The following SLC9D1 variants were observed in gnomAD, a reference collection of about 807,000 sequenced individuals.
The protein encoded by SLC9D1 is solute carrier family 9 member D1.
the SLC9D1 span, chr13:113,510,220 C>T: frequency 6.2e-5 from 100 of 1,609,190 alleles, no homozygotes; most frequent in Non-Finnish European, 8.1e-5. Flanking sequence ...GTGTGTGACT[C>T]ACTGTGTTCT....
chr13:113,495,723 C>G, the SLC9D1 span: 2 of 1,613,410 alleles, frequency 1.2e-6, no homozygotes, highest in African/African-American at 1.3e-5. Context: ...GCAGAGCCGG[C>G]AGTGGGTCCG....
At chr13:113,532,432 G>A in the SLC9D1 span, among the ~76,000 whole-genome samples, 1 of 151,710 alleles carries the variant, frequency 6.6e-6, no homozygotes, top group Non-Finnish European at 1.5e-5. Flanking sequence ...GGTGGGCTGG[G>A]GCAGTGGAAG....
chr13:113,512,211 C>A, the SLC9D1 span, among the ~76,000 whole-genome samples: 4 of 137,108 alleles, frequency 2.9e-5, no homozygotes, highest in African/African-American at 5.6e-5. Flanking sequence ...TGGAGAGGGT[C>A]AGTATATATA....
chr13:113,534,063 C>T, the SLC9D1 span: 1 of 1,606,492 alleles, frequency 6.2e-7, no homozygotes, highest in Non-Finnish European at 8.5e-7. Context: ...TGGAAGTTCT[C>T]CGAATCCTGG....
At chr13:113,503,345 TTGTGTGTGTGTG>T in the SLC9D1 span, 1,244 of 476,060 alleles carry the variant, frequency 2.6e-3, 10 homozygotes, top group East Asian at 6.3e-3. Context: ...CACTGTGTGA[TTGTGTGTGTGTG>T]TGTGTGTGTG....
At chr13:113,525,518 G>T in the SLC9D1 span, among the ~76,000 whole-genome samples, 6 of 152,370 alleles carry the variant, frequency 3.9e-5, no homozygotes, top group East Asian at 1.2e-3. Context: ...ACAGCCTCAG[G>T]CAGGTTCTTC....
chr13:113,538,536 G>A, the SLC9D1 span, among the ~76,000 whole-genome samples: 5 of 152,356 alleles, frequency 3.3e-5, no homozygotes, highest in African/African-American at 1.2e-4. Flanking sequence ...AGCATCCGCC[G>A]CTCCGCCGTG....
chr13:113,526,717 T>G, the SLC9D1 span, among the ~76,000 whole-genome samples: 15 of 152,240 alleles, frequency 9.9e-5, no homozygotes, highest in Admixed American at 7.2e-4. Flanking sequence ...AGACACTGTC[T>G]CAGTTTAGTG....
At chr13:113,495,693 G>A in the SLC9D1 span, 14 of 1,612,508 alleles carry the variant, frequency 8.7e-6, no homozygotes, top group East Asian at 2.2e-5. Flanking sequence ...ACTGCACCGC[G>A]GGCGAGGGGT....
chr13:113,500,537 G>C, the SLC9D1 span, among the ~76,000 whole-genome samples: 10 of 152,196 alleles, frequency 6.6e-5, no homozygotes, highest in Non-Finnish European at 2.9e-5. Context: ...CAGAGCATGA[G>C]AACCCATCCA....
chr13:113,491,694 C>G, the SLC9D1 span, among the ~76,000 whole-genome samples: 1 of 152,200 alleles, frequency 6.6e-6, no homozygotes, highest in African/African-American at 2.4e-5. Context: ...ATGGAACCTG[C>G]GTTCCCACCC....
chr13:113,502,564 C>T, the SLC9D1 span, among the ~76,000 whole-genome samples: 6 of 152,164 alleles, frequency 3.9e-5, no homozygotes, highest in Non-Finnish European at 8.8e-5. Flanking sequence ...AGCTGATTAG[C>T]CCCAGTCGAG....
chr13:113,501,864 G>A, the SLC9D1 span: 1 of 1,610,830 alleles, frequency 6.2e-7, no homozygotes, highest in Admixed American at 1.7e-5. Context: ...GGACCTTCAG[G>A]ACTAAATAGT....
At chr13:113,504,764 A>G in the SLC9D1 span, 8 of 152,174 alleles carry the variant, frequency 5.3e-5, no homozygotes, top group African/African-American at 1.7e-4. Flanking sequence ...GCAACTGCAA[A>G]TCGTGCTGCT....
chr13:113,522,037 T>C, the SLC9D1 span, among the ~76,000 whole-genome samples: 7 of 152,242 alleles, frequency 4.6e-5, no homozygotes, highest in African/African-American at 7.2e-5. Context: ...GCTTTATTTC[T>C]TCCTTTCCAA....
the SLC9D1 span, among the ~76,000 whole-genome samples, chr13:113,541,338 T>C: frequency 7.2e-6 from 1 of 139,580 alleles, no homozygotes; most frequent in Non-Finnish European, 1.5e-5. Flanking sequence ...GTGGATGCCA[T>C]GCACACGATT....
chr13:113,499,958 G>A, the SLC9D1 span: 2 of 1,482,836 alleles, frequency 1.3e-6, no homozygotes, highest in South Asian at 1.4e-5. Flanking sequence ...ATTCTTGCAG[G>A]TCAAGGGGGT....
the SLC9D1 span, chr13:113,535,353 A>G: frequency 1.3e-5 from 2 of 151,680 alleles, no homozygotes; most frequent in Non-Finnish European, 2.9e-5. The surrounding 1 kb of genome is among the most constrained non-coding windows in gnomAD (Gnocchi z 4.1). Flanking sequence ...CTGGACCCCC[A>G]TAGAGTCTCA....
chr13:113,518,462 A>G, the SLC9D1 span, among the ~76,000 whole-genome samples: 1 of 152,228 alleles, frequency 6.6e-6, no homozygotes, highest in African/African-American at 2.4e-5. Flanking sequence ...TATTTAAAAC[A>G]TTTACAAAAT....
Sources: gnomAD v4.1 joint callset for allele counts (sites outside exome capture counted in the v4.1 genomes callset) on GRCh38, gnomAD v4.1.1 for gene constraint, Gnocchi (gnomAD v3.1) non-coding constraint, MANE v1.5 for transcripts, NCBI Gene and HGNC (gene_info 2026-07-23, HGNC 2026-07-21) for gene names.